The following TUSC1 variants were observed in gnomAD, a reference collection of about 807,000 sequenced individuals.
The protein encoded by TUSC1 is tumor suppressor candidate gene 1 protein.
In TUSC1, 8 loss-of-function variants were observed where a neutral mutation model predicts 5.2. The ratio of observed to expected loss-of-function variants is 1.54; its 90% CI spans 0.90 to 2.77. TUSC1 has a LOEUF of 2.77. Ranked by LOEUF, TUSC1 falls within the 30% of genes most tolerant of loss-of-function variation. TUSC1 has a pLI of 0.00. For synonymous variants in TUSC1, 192 were observed against 144.2 expected, an observed-to-expected ratio of 1.33 and a Z score of -2.37; for missense variants, 442 against 324.2, an observed-to-expected ratio of 1.36 and a Z score of -2.79.
chr9:25,677,916 C>G lies in TUSC1; in HGVS notation c.397G>C (p.Ala133Pro). 6.4e-7 allele frequency: 1 copy of G among 1,574,442 alleles called. No homozygotes were observed. The highest frequency in any genetic ancestry group is 8.6e-7 in the Non-Finnish European group (1 of 1,164,088). ...PAEARRVPEE[A>P]STNRRARDSG... ...TCTCTAGCCCTCCGGTTCGTGCTGGCCTCTTCAGGGACCCGGCGTGCCTCC... is the reference window on the plus strand; with the variant it reads ...TCTCTAGCCCTCCGGTTCGTGCTGGGCTCTTCAGGGACCCGGCGTGCCTCC... Residue 133 changes from alanine (A) to proline (P), a missense_variant, in exon 1 of 1, where the codon GCC becomes CCC. By Grantham distance (27) the Ala-to-Pro change is conservative. Transcript: ENST00000358022.
chr9:25,677,563 C>T lies in TUSC1; in HGVS notation c.*120G>A, dbSNP rs1277977482. Reference sequence around the variant, plus strand: ...TCCACTGGTGGGGGCGGGAAGGCACCGTAGTCCAAGGTATCCGCGGGCAGG... The same window carrying T: ...TCCACTGGTGGGGGCGGGAAGGCACTGTAGTCCAAGGTATCCGCGGGCAGG... On this transcript the variant is annotated 3_prime_UTR_variant, in exon 1 of 1. Transcript: ENST00000358022. 7.0e-7 allele frequency: 1 copy of T among 1,431,772 alleles called. No individual in the cohort carries two copies. The allele number at this position is 1,431,772 out of a possible 1,614,324, so 88.7% of individuals were successfully genotyped here.
chr9:25,678,383 G>C lies in TUSC1; in HGVS notation c.-71C>G, dbSNP rs914299978. On this transcript the variant is annotated 5_prime_UTR_variant, in exon 1 of 1. Coordinates refer to ENST00000358022, the MANE Select transcript of TUSC1 (RefSeq NM_001004125.3). The stretch of plus-strand genomic sequence containing the variant: ...GCGCGGCCAGGCGCGGGCAAGTTCG[G>C]GGCTGGCAGGGCGGCCGGGGTGACG... The C allele has an allele frequency of 5.0e-4, 647 of 1,300,756 alleles. No individual in the cohort carries two copies. Among genetic ancestry groups the C allele is most frequent in the Non-Finnish European group, 6.2e-4 (631 of 1,013,608 alleles). The allele number at this position is 1,300,756 out of a possible 1,614,324, so 80.6% of individuals were successfully genotyped here.
Position 25,677,799 on chromosome 9 carries a change from G to A in TUSC1, c.514C>T (p.Leu172=). The change falls in exon 1 of 1, where the codon CTG becomes TTG. Residue 172 remains leucine (L), a synonymous_variant. Transcript: ENST00000358022. ...CGTGGTCCCCGCTGCTCGAGGTGCA[G>A]CTGCAGCAGGGCCCGGCGGTACATG... is the stretch of plus-strand genomic sequence containing the variant. ...EAMYRRALLQ[L]HLEQRGPRPS... is the part of the protein sequence containing the mutation. 1 of 1,591,172 alleles carries A rather than the reference G, an allele frequency of 6.3e-7. No homozygotes were observed. The highest frequency in any genetic ancestry group is 2.3e-5 in the East Asian group (1 of 43,692).
rs1128953 is a variant in TUSC1 at position 25,677,351 on chromosome 9, A to C, written c.*332T>G. ...CACAACATCCAGAAAAGTTCAGGGA[A>C]TATGAAGTGTTTCTTGGCACCCAGT... On this transcript the variant is annotated 3_prime_UTR_variant, in exon 1 of 1. Transcript: ENST00000358022. The C allele has an allele frequency of 0.6, 206,172 of 342,772 alleles. 62,613 individuals are homozygous for C. Among genetic ancestry groups the C allele is most frequent in the South Asian group, 0.7 (7,588 of 10,780 alleles). The allele number at this position is 342,772 out of a possible 1,614,324, so 21.2% of individuals were successfully genotyped here.
rs965318435 is a variant in TUSC1 at position 25,677,380 on chromosome 9, C to T, written c.*303G>A. On this transcript the variant is annotated 3_prime_UTR_variant, in exon 1 of 1. Coordinates refer to ENST00000358022, the MANE Select transcript of TUSC1 (RefSeq NM_001004125.3). Reference sequence around the variant, plus strand: ...GAAGTGTTTCTTGGCACCCAGTTCTCGCTGTTTTAAAATCCGTCCCTTCGT... The same window carrying T: ...GAAGTGTTTCTTGGCACCCAGTTCTTGCTGTTTTAAAATCCGTCCCTTCGT... 49 of 409,522 alleles carry T rather than the reference C, an allele frequency of 1.2e-4. No individual in the cohort carries two copies. Among genetic ancestry groups the T allele is most frequent in the Non-Finnish European group, 1.8e-4 (42 of 232,890 alleles). 25.4% of individuals were successfully genotyped at this position (409,522 alleles called of 1,614,324 possible).
rs1490157514 is a variant in TUSC1, at chr9:25,677,511, C to T, written c.*172G>A. 1.6e-5 allele frequency: 21 copies of T among 1,303,182 alleles called. No homozygotes were observed. The highest frequency in any genetic ancestry group is 2.1e-5 in the Non-Finnish European group (21 of 981,754). The allele number at this position is 1,303,182 out of a possible 1,614,324, so 80.7% of individuals were successfully genotyped here. On this transcript the variant is annotated 3_prime_UTR_variant, in exon 1 of 1. Transcript: ENST00000358022. Reference sequence around the variant, plus strand: ...TTGCACCCACTCGACCTCCACCAAGCGGATGGCCAAGCGCCACCCGGAAGT... The same window carrying T: ...TTGCACCCACTCGACCTCCACCAAGTGGATGGCCAAGCGCCACCCGGAAGT...
rs976651658 is a variant in TUSC1, at chr9:25,677,555, G to C, written c.*128C>G. Reference sequence around the variant, plus strand: ...CGGAAGTGTCCACTGGTGGGGGCGGGAAGGCACCGTAGTCCAAGGTATCCG... The same window carrying C: ...CGGAAGTGTCCACTGGTGGGGGCGGCAAGGCACCGTAGTCCAAGGTATCCG... On this transcript the variant is annotated 3_prime_UTR_variant, in exon 1 of 1. Coordinates refer to ENST00000358022, the MANE Select transcript of TUSC1 (RefSeq NM_001004125.3). 36 of 1,427,278 alleles carry C rather than the reference G, an allele frequency of 2.5e-5. No individual in the cohort carries two copies. Among genetic ancestry groups the C allele is most frequent in the Admixed American group, 5.7e-5 (2 of 34,862 alleles). 88.4% of individuals were successfully genotyped at this position (1,427,278 alleles called of 1,614,324 possible).
chr9:25,677,509 A>C lies in TUSC1; in HGVS notation c.*174T>G. 2.5e-5 allele frequency: 32 copies of C among 1,292,332 alleles called. No homozygotes were observed. Among genetic ancestry groups the C allele is most frequent in the Non-Finnish European group, 3.3e-5 (32 of 971,786 alleles). The allele number at this position is 1,292,332 out of a possible 1,614,324, so 80.1% of individuals were successfully genotyped here. A position where few individuals can be genotyped will look rare whatever the true frequency, so the allele number is the denominator to read the frequency against. ...CCTTGCACCCACTCGACCTCCACCA[A>C]GCGGATGGCCAAGCGCCACCCGGAA... On this transcript the variant is annotated 3_prime_UTR_variant, in exon 1 of 1. Coordinates refer to ENST00000358022, the MANE Select transcript of TUSC1 (RefSeq NM_001004125.3).
In TUSC1 at chr9:25,678,198, TG is replaced by T; in HGVS notation, c.114del (p.Ser39AlafsTer62). 1 of 1,336,580 alleles carries T rather than the reference TG, an allele frequency of 7.5e-7. No homozygotes were observed. Among genetic ancestry groups the T allele is most frequent in the Non-Finnish European group, 9.6e-7 (1 of 1,040,222 alleles). The allele number at this position is 1,336,580 out of a possible 1,614,324, so 82.8% of individuals were successfully genotyped here. ...RSGRARGGGSPSGGGGGVGWR... is the reference protein window; with the variant it reads ...RSGRARGGGSXSGGGGGVGWR... ...CAGCCCACGCCGCCGCCGCCGCCGC[TG>T]GGGCTGCCCCCACCACGAGCCCGGC... On this transcript the variant is annotated frameshift_variant, in exon 1 of 1. Transcript: ENST00000358022. LOFTEE classifies it high-confidence loss of function.
rs560227026 is a variant in TUSC1, at chr9:25,678,430, C to A, written c.-118G>T. 2.1e-4 allele frequency: 207 copies of A among 1,008,244 alleles called. 1 individual carries two copies. In the African/African-American group the frequency reaches 3.4e-3, roughly 17 times the overall value. 62.5% of individuals were successfully genotyped at this position (1,008,244 alleles called of 1,614,324 possible). A position where few individuals can be genotyped will look rare whatever the true frequency, so the allele number is the denominator to read the frequency against. On this transcript the variant is annotated 5_prime_UTR_variant, in exon 1 of 1. Coordinates refer to ENST00000358022, the MANE Select transcript of TUSC1 (RefSeq NM_001004125.3). ...GACGACGGAGGAGGAGAGGAGGTCG[C>A]GGGCGGCGGCTGCTGGCTTAGAGCC...
At position 25,678,095 on chromosome 9, in the gene TUSC1, A is replaced by G. The variant is rs778823005; in HGVS notation, c.218T>C (p.Ile73Thr). 809 of 1,586,766 alleles carry G rather than the reference A, an allele frequency of 5.1e-4. No individual in the cohort carries two copies. Among genetic ancestry groups the G allele is most frequent in the Admixed American group, 6.8e-4 (40 of 58,774 alleles). Residue 73 changes from isoleucine (I) to threonine (T), a missense_variant, in exon 1 of 1, where the codon ATC becomes ACC. Ile to Thr is a moderately conservative substitution (Grantham distance 89). Coordinates refer to ENST00000358022, the MANE Select transcript of TUSC1 (RefSeq NM_001004125.3). ...ADLAASHLEAIRARDEWDRQN... is the reference protein window; with the variant it reads ...ADLAASHLEATRARDEWDRQN... ...CCGGTCCCACTCGTCCCGCGCACGG[A>G]TGGCCTCCAAGTGGCTCGCCGCCAG...
Position 25,677,981 on chromosome 9 carries a change from G to T in TUSC1, c.332C>A (p.Ala111Asp). 1 of 1,552,910 alleles carries T rather than the reference G, an allele frequency of 6.4e-7. No individual in the cohort carries two copies. Among genetic ancestry groups the T allele is most frequent in the Non-Finnish European group, 8.7e-7 (1 of 1,154,824 alleles). Residue 111 changes from alanine to aspartate, a missense_variant, in exon 1 of 1, where the codon GCT becomes GAT. Coordinates refer to ENST00000358022, the MANE Select transcript of TUSC1 (RefSeq NM_001004125.3). The part of the protein sequence containing the change: ...KRENRSLFRQ[A>D]LRLPGEGGNG... ...GCCGCCTTCGCCGGGGAGCCGCAAAGCCTGACGGAAGAGGCTGCGGTTCTC... is the reference window on the plus strand; with the variant it reads ...GCCGCCTTCGCCGGGGAGCCGCAAATCCTGACGGAAGAGGCTGCGGTTCTC...
Position 25,677,788 on chromosome 9 carries a change from C to G in TUSC1, c.525G>C (p.Glu175Asp). The change falls in exon 1 of 1, where the codon GAG becomes GAC. Residue 175 changes from glutamate to aspartate, a missense_variant. Physicochemically the swap from Glu to Asp is conservative, Grantham distance 45. Coordinates refer to ENST00000358022, the MANE Select transcript of TUSC1 (RefSeq NM_001004125.3). The stretch of plus-strand genomic sequence containing the variant: ...CCCCGCTCGGACGTGGTCCCCGCTG[C>G]TCGAGGTGCAGCTGCAGCAGGGCCC... ...YRRALLQLHL[E>D]QRGPRPSGDK... is the part of the protein sequence containing the mutation. 1 of 1,588,708 alleles carries G rather than the reference C, an allele frequency of 6.3e-7. No individual in the cohort carries two copies. Among genetic ancestry groups the G allele is most frequent in the Non-Finnish European group, 8.6e-7 (1 of 1,168,512 alleles).
chr9:25,678,370 G>A lies in TUSC1; in HGVS notation c.-58C>T. The A allele has an allele frequency of 7.5e-7, 1 of 1,338,954 alleles. No individual in the cohort carries two copies. The highest frequency in any genetic ancestry group is 9.6e-7 in the Non-Finnish European group (1 of 1,040,474). The allele number at this position is 1,338,954 out of a possible 1,614,324, so 82.9% of individuals were successfully genotyped here. A position where few individuals can be genotyped will look rare whatever the true frequency, so the allele number is the denominator to read the frequency against. On this transcript the variant is annotated 5_prime_UTR_variant, in exon 1 of 1. Transcript: ENST00000358022. ...GGGCTGAGGGGCCGCGCGGCCAGGC[G>A]CGGGCAAGTTCGGGGCTGGCAGGGC... is the stretch of plus-strand genomic sequence containing the variant.
chr9:25,677,662 T>C lies in TUSC1; in HGVS notation c.*21A>G, dbSNP rs1179133925. 1.3e-6 allele frequency: 2 copies of C among 1,487,828 alleles called. No homozygotes were observed. Among genetic ancestry groups the C allele is most frequent in the East Asian group, 5.0e-5 (2 of 40,310 alleles). 92.2% of individuals were successfully genotyped at this position (1,487,828 alleles called of 1,614,324 possible). On this transcript the variant is annotated 3_prime_UTR_variant, in exon 1 of 1. Coordinates refer to ENST00000358022, the MANE Select transcript of TUSC1 (RefSeq NM_001004125.3). ...GGAGGGGCCCGCTCGAGGCTCCGCC[T>C]CTCACCGGCTGCGGCCTCGGCTACA... is the stretch of plus-strand genomic sequence containing the variant.
At position 25,678,024 on chromosome 9, in the gene TUSC1, T is replaced by G; in HGVS notation, c.289A>C (p.Asn97His). Residue 97 changes from asparagine (N) to histidine (H), a missense_variant, in exon 1 of 1, where the codon AAC (asparagine) becomes CAC (histidine). Coordinates refer to ENST00000358022, the MANE Select transcript of TUSC1 (RefSeq NM_001004125.3). ...CGGTTCTCGCGCTTCAGCCGCCGGT[T>G]CTCGAGCCGCAGCCGGGCGTTCTCC... Reference protein sequence around the residue: ...RQENARLRLENRRLKRENRSL... With the variant: ...RQENARLRLEHRRLKRENRSL... The G allele has an allele frequency of 6.4e-7, 1 of 1,565,932 alleles. No individual in the cohort carries two copies.
At position 25,678,225 on chromosome 9, in the gene TUSC1, C is replaced by G. The variant is rs765522985; in HGVS notation, c.88G>C (p.Gly30Arg). ...GGGCTGCCCCCACCACGAGCCCGGC[C>G]GGAGCGGCCTGGCCCTCGGCCGTCC... is the stretch of plus-strand genomic sequence containing the variant. ...AADGRGPGRSGRARGGGSPSG... is the reference protein window; with the variant it reads ...AADGRGPGRSRRARGGGSPSG... Residue 30 changes from glycine to arginine, a missense_variant, in exon 1 of 1, where the codon GGC becomes CGC. By Grantham distance (125) the Gly-to-Arg change is moderately radical (BLOSUM62 -2). Coordinates refer to ENST00000358022, the MANE Select transcript of TUSC1 (RefSeq NM_001004125.3). 2.7e-5 allele frequency: 37 copies of G among 1,364,122 alleles called. No individual in the cohort carries two copies. The highest frequency in any genetic ancestry group is 2.9e-5 in the Non-Finnish European group (31 of 1,058,458). The allele number at this position is 1,364,122 out of a possible 1,614,324, so 84.5% of individuals were successfully genotyped here.
Position 25,678,249 on chromosome 9 carries a change from C to T in TUSC1, c.64G>A (p.Asp22Asn). Reference sequence around the variant, plus strand: ...CCGGAGCGGCCTGGCCCTCGGCCGTCCGCAGCACCGTCCCCGCCGCAGCAA... The same window carrying T: ...CCGGAGCGGCCTGGCCCTCGGCCGTTCGCAGCACCGTCCCCGCCGCAGCAA... ...GSCCGGDGAA[D>N]GRGPGRSGRA... Residue 22 changes from aspartate to asparagine, a missense_variant, in exon 1 of 1, where the codon GAC becomes AAC. Transcript: ENST00000358022. The T allele has an allele frequency of 2.1e-6, 3 of 1,442,042 alleles. No individual in the cohort carries two copies. Among genetic ancestry groups the T allele is most frequent in the Non-Finnish European group, 2.7e-6 (3 of 1,099,942 alleles). The allele number at this position is 1,442,042 out of a possible 1,614,324, so 89.3% of individuals were successfully genotyped here. A position where few individuals can be genotyped will look rare whatever the true frequency, so the allele number is the denominator to read the frequency against.
Position 25,678,383 on chromosome 9 carries a change from G to A in TUSC1, c.-71C>T. On this transcript the variant is annotated 5_prime_UTR_variant, in exon 1 of 1. Coordinates refer to ENST00000358022, the MANE Select transcript of TUSC1 (RefSeq NM_001004125.3). ...GCGCGGCCAGGCGCGGGCAAGTTCGGGGCTGGCAGGGCGGCCGGGGTGACG... is the reference window on the plus strand; with the variant it reads ...GCGCGGCCAGGCGCGGGCAAGTTCGAGGCTGGCAGGGCGGCCGGGGTGACG... 1 of 1,300,764 alleles carries A rather than the reference G, an allele frequency of 7.7e-7. No homozygotes were observed. Among genetic ancestry groups the A allele is most frequent in the African/African-American group, 1.6e-5 (1 of 62,820 alleles). 80.6% of individuals were successfully genotyped at this position (1,300,764 alleles called of 1,614,324 possible). A position where few individuals can be genotyped will look rare whatever the true frequency, so the allele number is the denominator to read the frequency against.
Sources: gnomAD v4.1 joint callset for allele counts on GRCh38, gnomAD v4.1.1 for gene constraint, MANE v1.5 for transcripts, NCBI Gene and HGNC (gene_info 2026-07-23, HGNC 2026-07-21) for gene names.